The following HECW1 variants were observed in gnomAD, a reference collection of about 807,000 sequenced individuals.
HECW1 encodes the protein E3 ubiquitin-protein ligase HECW1.
HECW1 carries 61 observed loss-of-function variants against 182.3 expected under a neutral mutation model. The observed-to-expected ratio is 0.33, with a 90% CI of 0.27 to 0.41. HECW1 has a LOEUF of 0.41. HECW1 is among the 10% of genes least tolerant of loss of function. HECW1 has a pLI of 1.00. For synonymous variants in HECW1, 859 were observed against 832.6 expected (o/e 1.03, Z -0.55); for missense variants, 1,739 against 2,108.9 (o/e 0.82, Z 3.44).
intron 8 of HECW1, among the ~76,000 whole-genome samples, chr7:43,427,253 A>G (rs2076392149): frequency 6.6e-6 from 1 of 152,232 alleles, no homozygotes; most frequent in African/African-American, 2.4e-5. Context: ...TACTACACAC[A>G]CAACACACAG....
chr7:43,449,335 A>G (rs184729856), intron 11 of HECW1, among the ~76,000 whole-genome samples: 62 of 152,326 alleles, frequency 4.1e-4, no homozygotes, highest in Non-Finnish European at 8.1e-4. Context: ...CTTGTTTTCC[A>G]TTAGCATCTC....
intron 8 of HECW1, among the ~76,000 whole-genome samples, chr7:43,408,054 C>G (rs1014545031): frequency 5.3e-5 from 8 of 152,156 alleles, no homozygotes; most frequent in East Asian, 1.9e-4. Context: ...TCAGAGCCTT[C>G]CAGTTTCTCC....
At chr7:43,379,921 C>A (rs34043662) in intron 6 of HECW1, among the ~76,000 whole-genome samples, 24,831 of 152,236 alleles carry the variant, frequency 0.16, 2,715 homozygotes, top group Non-Finnish European at 0.24. Flanking sequence ...ACCTGCCTGT[C>A]CTCTTCAGAG....
intron 16 of HECW1, among the ~76,000 whole-genome samples, chr7:43,476,065 G>A (rs141712229): frequency 0.011 from 1,660 of 152,182 alleles, 34 homozygotes; most frequent in Non-Finnish European, 0.014. Flanking sequence ...ACAAAAAAAG[G>A]AGGTAAAAAT....
chr7:43,544,437 T>C (rs1047097216), intron 26 of HECW1, among the ~76,000 whole-genome samples: 1 of 152,250 alleles, frequency 6.6e-6, no homozygotes, highest in African/African-American at 2.4e-5. Flanking sequence ...TTTTCCCTCA[T>C]TAGAATGTCA....
At chr7:43,529,605 G>A (rs1006802834) in intron 24 of HECW1, among the ~76,000 whole-genome samples, 6 of 152,108 alleles carry the variant, frequency 3.9e-5, no homozygotes, top group African/African-American at 1.4e-4. Context: ...AGACCCTACT[G>A]AAATGGAAAC....
At chr7:43,443,682 C>G (rs2330870) in intron 10 of HECW1, among the ~76,000 whole-genome samples, 95,391 of 152,018 alleles carry the variant, frequency 0.63, 30,709 homozygotes, top group East Asian at 0.73. Context: ...ATGTTGGGAA[C>G]CTTCCAGCCT....
At chr7:43,516,804 C>T (rs767823400) in intron 24 of HECW1, among the ~76,000 whole-genome samples, 3 of 152,202 alleles carry the variant, frequency 2.0e-5, no homozygotes, top group South Asian at 2.1e-4. Flanking sequence ...CACACCTATG[C>T]TCTATGCTAT....
Position 43,442,578 on chromosome 7 carries a change from G to A in HECW1, c.994G>A (p.Val332Met). Residue 332 changes from valine (V) to methionine (M), a missense_variant, in exon 10 of 30, where the codon GTG becomes ATG. By Grantham distance (21) the Val-to-Met change is conservative. Coordinates refer to ENST00000395891, the MANE Select transcript of HECW1 (RefSeq NM_015052.5). The stretch of plus-strand genomic sequence containing the variant: ...TGGCCGCAGGCTTCCAACAGATCAT[G>A]TGAGTGGACAGCTGCAATTCCGATT... Reference protein sequence around the residue: ...TLGRRLPTDHVSGQLQFRFEI... With the variant: ...TLGRRLPTDHMSGQLQFRFEI... 2.5e-6 allele frequency: 4 copies of A among 1,614,074 alleles called. No individual in the cohort carries two copies. The highest frequency in any genetic ancestry group is 2.5e-6 in the Non-Finnish European group (3 of 1,179,946).
At chr7:43,283,296 C>T (rs546766188) in intron 3 of HECW1, among the ~76,000 whole-genome samples, 93 of 152,102 alleles carry the variant, frequency 6.1e-4, no homozygotes, top group African/African-American at 2.1e-3. Flanking sequence ...GAGTGAACAC[C>T]GGAGTTTTTC....
chr7:43,486,317 C>T (rs1252245143), intron 17 of HECW1, among the ~76,000 whole-genome samples: 1 of 151,230 alleles, frequency 6.6e-6, no homozygotes, highest in Non-Finnish European at 1.5e-5. Flanking sequence ...GATGGAGTCT[C>T]ACCCTGTCTC....
At chr7:43,430,851 G>A (rs921262431) in intron 8 of HECW1, among the ~76,000 whole-genome samples, 6 of 144,086 alleles carry the variant, frequency 4.2e-5, no homozygotes, top group Admixed American at 2.1e-4. Flanking sequence ...GGGTGATCTC[G>A]GCTCACCACA....
chr7:43,537,100 G>A (rs1047013887), intron 24 of HECW1, among the ~76,000 whole-genome samples: 1 of 152,210 alleles, frequency 6.6e-6, no homozygotes, highest in African/African-American at 2.4e-5. Flanking sequence ...GAGCAGGGGT[G>A]GCCTGCAACA....
intron 3 of HECW1, among the ~76,000 whole-genome samples, chr7:43,263,111 A>G (rs1318180316): frequency 1.3e-5 from 2 of 152,224 alleles, no homozygotes; most frequent in Admixed American, 1.3e-4. Context: ...TGCGATGAAA[A>G]GAATACAGTT....
rs1554440499 is a variant in HECW1 at position 43,488,434 on chromosome 7, G to GAAAGAAAGAAAGAA, written c.3235-3640_3235-3639insAAGAAAGAAAGAAA. 2.8e-3 allele frequency among the ~76,000 whole-genome samples: 257 copies of GAAAGAAAGAAAGAA among 93,114 alleles called. 8 individuals are homozygous for GAAAGAAAGAAAGAA. The highest frequency in any genetic ancestry group is 0.019 in the East Asian group (65 of 3,356). The allele number at this position is 93,114 out of a possible 152,430, so 61.1% of individuals were successfully genotyped here. A position where few individuals can be genotyped will look rare whatever the true frequency, so the allele number is the denominator to read the frequency against. On this transcript the variant is annotated intron_variant, in intron 17 of 29. Coordinates refer to ENST00000395891, the MANE Select transcript of HECW1 (RefSeq NM_015052.5). Reference sequence around the variant, plus strand: ...AAAGAGAGAGAGAGAAAGAAAGAAAGAGAAAGAAAGAAAGAAAGAAAGAAA... The same window carrying GAAAGAAAGAAAGAA: ...AAAGAGAGAGAGAGAAAGAAAGAAAGAAAGAAAGAAAGAAAGAAAGAAAGAAAGAAAGAAAGAAA...
In HECW1 at chr7:43,501,183, C is replaced by CTTTTTTTT. The variant is rs567367189; in HGVS notation, c.3522-17_3522-10dup. The CTTTTTTTT allele has an allele frequency of 9.2e-4, 689 of 746,284 alleles. 1 individual carries two copies. Among genetic ancestry groups the CTTTTTTTT allele is most frequent in the South Asian group, 2.7e-3 (155 of 57,018 alleles). 46.2% of individuals were successfully genotyped at this position (746,284 alleles called of 1,614,324 possible). A position where few individuals can be genotyped will look rare whatever the true frequency, so the allele number is the denominator to read the frequency against. The stretch of plus-strand genomic sequence containing the variant: ...ATGTAAAACTGACTTTCTTTTCTTT[C>CTTTTTTTT]TTTTTTTTTTTTTTTTTTTTCATAT... On this transcript the variant is annotated intron_variant, in intron 20 of 29. Coordinates refer to ENST00000395891, the MANE Select transcript of HECW1 (RefSeq NM_015052.5).
intron 5 of HECW1, among the ~76,000 whole-genome samples, chr7:43,351,678 C>CTTTTTTTT (rs200929407): frequency 2.5e-5 from 3 of 120,542 alleles, no homozygotes; most frequent in African/African-American, 6.2e-5. Flanking sequence ...TTTCTTTCTT[C>CTTTTTTTT]TTTTTTTTTT....
At chr7:43,280,614 T>G (rs1001735062) in intron 3 of HECW1, among the ~76,000 whole-genome samples, 1 of 152,136 alleles carries the variant, frequency 6.6e-6, no homozygotes, top group African/African-American at 2.4e-5. Flanking sequence ...CTTAGAAGAC[T>G]TTTGAGAGGA....
At chr7:43,376,663 G>A (rs369349011) in intron 6 of HECW1, among the ~76,000 whole-genome samples, 8 of 152,122 alleles carry the variant, frequency 5.3e-5, no homozygotes, top group African/African-American at 9.7e-5. Flanking sequence ...TCAGGAGTTC[G>A]AGATCAGCCT....
Sources: gnomAD v4.1 joint callset for allele counts (sites outside exome capture counted in the v4.1 genomes callset) on GRCh38, gnomAD v4.1.1 for gene constraint, MANE v1.5 for transcripts, NCBI Gene and HGNC (gene_info 2026-07-23, HGNC 2026-07-21) for gene names.